PSMA3: variants seen among roughly 807,000 people sequenced by gnomAD.
PSMA3 encodes proteasome 20S subunit alpha 3, also known as proteasome subunit alpha type-3.
PSMA3 carries 8 observed loss-of-function variants against 40.0 expected under a neutral mutation model. The ratio of observed to expected loss-of-function variants is 0.20; its 90% CI spans 0.12 to 0.36. The LOEUF is 0.36. Among genes scored for constraint, PSMA3 ranks in the 10% least tolerant of loss-of-function variants. The pLI is 1.00. For synonymous variants in PSMA3, 110 were observed against 100.0 expected (o/e 1.10, Z -0.59); for missense variants, 219 against 310.6 (o/e 0.70, Z 2.22).
At chr14:58,265,713 TA>T (rs769796548) in intron 7 of PSMA3, 1 of 152,256 alleles carries the variant, frequency 6.6e-6, no homozygotes, top group African/African-American at 2.4e-5. Flanking sequence ...ATTTGCCATT[TA>T]AAATGTGCTT....
At position 58,267,770 on chromosome 14, in the gene PSMA3, T is replaced by C. The variant is rs118166963; in HGVS notation, c.590+250T>C. On this transcript the variant is annotated intron_variant, in intron 8 of 10. Transcript: ENST00000216455. The stretch of plus-strand genomic sequence containing the variant: ...ACTCCTGTTACAGGTTAAGGACATA[T>C]ACCATTAGGGTCTTAATTTGTTAGC... 3.0e-5 allele frequency: 15 copies of C among 503,166 alleles called. No homozygotes were observed. In the East Asian group the frequency reaches 6.9e-4, roughly 23 times the overall value. 31.2% of individuals were successfully genotyped at this position (503,166 alleles called of 1,614,324 possible).
At chr14:58,261,067 T>G (rs1440483534) in intron 6 of PSMA3, 47 bp downstream of exon 6, 1 of 1,283,272 alleles carries the variant, frequency 7.8e-7, no homozygotes, top group African/African-American at 1.5e-5. Flanking sequence ...TTTAATGGTA[T>G]TTCATTAGCA....
At chr14:58,260,754 A>C (rs1326910430) in intron 5 of PSMA3, among the ~76,000 whole-genome samples, 194 bp from the exon 6 acceptor site, 1 of 152,262 alleles carries the variant, frequency 6.6e-6, no homozygotes, top group Non-Finnish European at 1.5e-5. Context: ...AACAAACAAA[A>C]GCTACATGAA....
At position 58,270,407 on chromosome 14, in the gene PSMA3, T is replaced by G. The variant is rs777837748; in HGVS notation, c.591-11T>G. 6.2e-7 allele frequency: 1 copy of G among 1,613,006 alleles called. No homozygotes were observed. The highest frequency in any genetic ancestry group is 8.5e-7 in the Non-Finnish European group (1 of 1,179,504). On this transcript the variant is annotated splice_polypyrimidine_tract_variant and intron_variant, in intron 8 of 10. Transcript: ENST00000216455. ...GTTACCAAAATCTTACCTTTCCCTT[T>G]TCTATTCTAGAATTTACATAGTACA...
At chr14:58,264,822 TG>T in intron 7 of PSMA3, 1 of 152,358 alleles carries the variant, frequency 6.6e-6, no homozygotes, top group South Asian at 2.1e-4. Flanking sequence ...CAGAATCAGC[TG>T]GTTCTGAACA....
chr14:58,263,449 A>G (rs999215290), intron 6 of PSMA3: 10 of 276,916 alleles, frequency 3.6e-5, no homozygotes, highest in African/African-American at 1.1e-4. Flanking sequence ...AAAATGTCTT[A>G]AAGTGTATAT....
chr14:58,266,533 A>ACTC (rs1464194743), intron 7 of PSMA3: 1 of 152,058 alleles, frequency 6.6e-6, no homozygotes, highest in Admixed American at 6.6e-5. Flanking sequence ...CAACATACAG[A>ACTC]CTCCTCAGCT....
At chr14:58,255,365 C>T (rs1041519566) in intron 3 of PSMA3, among the ~76,000 whole-genome samples, 1 of 152,078 alleles carries the variant, frequency 6.6e-6, no homozygotes, top group Non-Finnish European at 1.5e-5. Flanking sequence ...TTTTTCACAG[C>T]AACCACTAAC....
chr14:58,264,474 C>T (rs1890376325), intron 7 of PSMA3, among the ~76,000 whole-genome samples: 1 of 152,188 alleles, frequency 6.6e-6, no homozygotes, highest in African/African-American at 2.4e-5. Flanking sequence ...TTAAAGACTT[C>T]ATGGATACTG....
At chr14:58,261,127 G>T (rs879197666) in intron 6 of PSMA3, 107 bp downstream of exon 6, 4 of 744,606 alleles carry the variant, frequency 5.4e-6, no homozygotes, top group East Asian at 3.1e-5. Flanking sequence ...ACTCATTCAA[G>T]GAAAGTAATT....
At chr14:58,262,888 GTTTTCTT>G (rs1890323913) in intron 6 of PSMA3, among the ~76,000 whole-genome samples, 11 of 151,368 alleles carry the variant, frequency 7.3e-5, no homozygotes, top group South Asian at 2.1e-4. Context: ...TTTCTTAACT[GTTTTCTT>G]ATCCTTACAT....
At chr14:58,271,726 GTTCA>G in intron 10 of PSMA3, 121 bp from the exon 11 acceptor site, 1 of 687,070 alleles carries the variant, frequency 1.5e-6, no homozygotes. Context: ...TTCTGAAACT[GTTCA>G]TTCAGTTACA....
intron 6 of PSMA3, 127 bp from the exon 7 acceptor site, chr14:58,263,578 T>C (rs1890344767): frequency 2.9e-6 from 2 of 694,182 alleles, no homozygotes; most frequent in South Asian, 4.7e-5. Context: ...TGTTTGACTA[T>C]ATTTTTCTAT....
rs916138175 is a variant in PSMA3, at chr14:58,244,994, G to C, written c.21+53G>C. ...GTTTAACCTAAGGATTGGGGTTGAA[G>C]GGAACTCGGACAGACCACATGGGGT... On this transcript the variant is annotated intron_variant, in intron 1 of 10. Coordinates refer to ENST00000216455, the MANE Select transcript of PSMA3 (RefSeq NM_002788.4). The C allele has an allele frequency of 4.3e-6, 7 of 1,613,286 alleles. No individual in the cohort carries two copies. The Admixed American group carries it at 8.3e-5, about 19-fold the overall frequency.
At position 58,267,456 on chromosome 14, in the gene PSMA3, A is replaced by C; in HGVS notation, c.544-18A>C. On this transcript the variant is annotated intron_variant, in intron 7 of 10. Transcript: ENST00000216455. ...AAAATGTTCTTCTGATGAACAGTATACATTTTATTTTCTATAGATGAAAGA... is the reference window on the plus strand; with the variant it reads ...AAAATGTTCTTCTGATGAACAGTATCCATTTTATTTTCTATAGATGAAAGA... 6.5e-7 allele frequency: 1 copy of C among 1,545,670 alleles called. No individual in the cohort carries two copies. Among genetic ancestry groups the C allele is most frequent in the Non-Finnish European group, 8.7e-7 (1 of 1,152,894 alleles).
At chr14:58,259,404 T>G (rs1594828613) in intron 5 of PSMA3, among the ~76,000 whole-genome samples, 3 of 152,104 alleles carry the variant, frequency 2.0e-5, no homozygotes, top group Admixed American at 2.0e-4. Context: ...AACCTCTGCC[T>G]CCCGGGTTCA....
At chr14:58,262,066 A>AT (rs1355889595) in intron 6 of PSMA3, among the ~76,000 whole-genome samples, 1 of 152,010 alleles carries the variant, frequency 6.6e-6, no homozygotes, top group East Asian at 1.9e-4. Context: ...ATTAGCTGGG[A>AT]TTACAGGCAT....
At chr14:58,244,985 G>A in intron 1 of PSMA3, 44 bp downstream of exon 1, 1 of 1,613,884 alleles carries the variant, frequency 6.2e-7, no homozygotes, top group South Asian at 1.1e-5. Context: ...CCTAAGGATT[G>A]GGGTTGAAGG....
At chr14:58,245,009 C>T in intron 1 of PSMA3, 68 bp downstream of exon 1, 1 of 1,607,484 alleles carries the variant, frequency 6.2e-7, no homozygotes, top group Non-Finnish European at 8.5e-7. Context: ...CTCGGACAGA[C>T]CACATGGGGT....
Sources: allele counts gnomAD v4.1 joint callset (sites outside exome capture counted in the v4.1 genomes callset), GRCh38; gene constraint gnomAD v4.1.1; transcripts MANE v1.5; gene names NCBI Gene and HGNC (gene_info 2026-07-23, HGNC 2026-07-21).